Variants in PLCE1 observed in about 807,000 individuals in gnomAD.
PLCE1 encodes phospholipase C epsilon 1, also known as 1-phosphatidylinositol 4,5-bisphosphate phosphodiesterase epsilon-1.
A neutral mutation model predicts 242.8 loss-of-function variants in PLCE1; 119 were observed. The observed-to-expected ratio is 0.49, with a 90% CI of 0.42 to 0.57. The LOEUF (loss-of-function observed/expected upper bound fraction) is 0.57. Among genes scored for constraint, PLCE1 ranks in the 20% least tolerant of loss-of-function variants. The probability of loss-of-function intolerance (pLI) is 0.00; values close to 1 mark genes in which losing one functional copy is unlikely to be tolerated. For synonymous variants in PLCE1, 945 were observed against 1,017.4 expected (o/e 0.93, Z 1.35); for missense variants, 2,441 against 2,788.8 (o/e 0.88, Z 2.81).
chr10:94,212,578 A>G (rs965788549), intron 4 of PLCE1, among the ~76,000 whole-genome samples: 4 of 152,116 alleles, frequency 2.6e-5, no homozygotes, highest in Admixed American at 1.3e-4. Flanking sequence ...TTTAATAGAG[A>G]TGGGGTTTCA....
At chr10:94,078,077 G>A (rs940836134) in intron 2 of PLCE1, among the ~76,000 whole-genome samples, 2 of 152,158 alleles carry the variant, frequency 1.3e-5, no homozygotes, top group African/African-American at 4.8e-5. Context: ...GACATCTGTT[G>A]CAGAAATCTT....
intron 4 of PLCE1, among the ~76,000 whole-genome samples, chr10:94,201,963 T>G (rs998720790): frequency 6.6e-6 from 1 of 152,204 alleles, no homozygotes; most frequent in Non-Finnish European, 1.5e-5. Context: ...AATAAAAATC[T>G]AGCAGATAAT....
At chr10:94,274,519 T>A (rs139546658) in intron 19 of PLCE1, among the ~76,000 whole-genome samples, 4 of 152,064 alleles carry the variant, frequency 2.6e-5, no homozygotes, top group African/African-American at 9.6e-5. Flanking sequence ...AATTTGAAGA[T>A]CACCCATGAT....
chr10:94,243,528 A>G (rs180672847), intron 7 of PLCE1, among the ~76,000 whole-genome samples: 19 of 152,354 alleles, frequency 1.2e-4, no homozygotes, highest in Non-Finnish European at 2.2e-4. Flanking sequence ...CTAATGTAAG[A>G]TGTTAATAGG....
chr10:94,101,959 A>G (rs2045553986), intron 2 of PLCE1, among the ~76,000 whole-genome samples: 1 of 152,022 alleles, frequency 6.6e-6, no homozygotes, highest in South Asian at 2.1e-4. Flanking sequence ...GGTCAGAACC[A>G]CTCGGATGAG....
intron 2 of PLCE1, among the ~76,000 whole-genome samples, chr10:94,097,964 A>T (rs190764171): frequency 6.6e-6 from 1 of 152,324 alleles, no homozygotes; most frequent in East Asian, 1.9e-4. Flanking sequence ...GGCGACAGAG[A>T]TGAGATTATG....
At position 94,049,576 on chromosome 10, in the gene PLCE1, CCTGT is replaced by C. The variant is rs549659993; in HGVS notation, c.1206+17347_1206+17350del. On this transcript the variant is annotated intron_variant, in intron 2 of 32. Transcript: ENST00000371380. ...TTACTATTCCTGGCCCTTTAGTTAC[CCTGT>C]CTGTCTGTCTGTCTGTCTGTCTCTC... Among the ~76,000 whole-genome samples the C allele has an allele frequency of 1.4e-3, 211 of 152,016 alleles. 2 individuals carry two copies. Among genetic ancestry groups the C allele is most frequent in the Non-Finnish European group, 2.0e-3 (136 of 67,972 alleles).
intron 3 of PLCE1, among the ~76,000 whole-genome samples, chr10:94,143,993 C>T (rs2047044696): frequency 6.6e-6 from 1 of 152,180 alleles, no homozygotes; most frequent in African/African-American, 2.4e-5. Context: ...CTCAGAGACA[C>T]ATTTTGGCAT....
chr10:94,276,660 T>G (rs993881007), intron 19 of PLCE1, among the ~76,000 whole-genome samples: 1 of 152,140 alleles, frequency 6.6e-6, no homozygotes, highest in African/African-American at 2.4e-5. Flanking sequence ...GCTAAGGAGG[T>G]CACTGTGTGG....
chr10:94,258,693 C>A, intron 11 of PLCE1, 107 bp from the exon 12 acceptor site: 2 of 1,291,412 alleles, frequency 1.5e-6, no homozygotes, highest in Non-Finnish European at 2.2e-6. Flanking sequence ...TCTTAAATAA[C>A]TTGCACTCAT....
Position 94,031,013 on chromosome 10 carries a change from A to G in PLCE1, c.-34A>G. 3.7e-6 allele frequency: 6 copies of G among 1,611,182 alleles called. No individual in the cohort carries two copies. The South Asian group carries it at 4.4e-5, about 12-fold the overall frequency. On this transcript the variant is annotated 5_prime_UTR_variant, in exon 2 of 33. The change creates a new upstream start codon in the 5' untranslated region. Transcript: ENST00000371380. ...GACATGATCACCAGGGAGGAAAAAT[A>G]GAGCAATAGTCAAAACCTGTGTGTT... is the stretch of plus-strand genomic sequence containing the variant.
intron 1 of PLCE1, among the ~76,000 whole-genome samples, chr10:93,996,161 GC>G (rs1290067553): frequency 1.3e-5 from 2 of 152,168 alleles, no homozygotes; most frequent in Non-Finnish European, 2.9e-5. Flanking sequence ...CACACACCTG[GC>G]TGACAGGCGC....
At chr10:93,999,531 T>C (rs1432698056) in intron 1 of PLCE1, among the ~76,000 whole-genome samples, 2 of 152,222 alleles carry the variant, frequency 1.3e-5, no homozygotes, top group African/African-American at 4.8e-5. Flanking sequence ...ATGTTGGAAT[T>C]GGTGAGAAAG....
chr10:94,163,800 G>C (rs770766736), intron 3 of PLCE1, among the ~76,000 whole-genome samples: 1 of 152,186 alleles, frequency 6.6e-6, no homozygotes, highest in African/African-American at 2.4e-5. Context: ...GGTACCGGTT[G>C]TTCCTTTACA....
chr10:94,320,632 G>A (rs2053764943), intron 29 of PLCE1, among the ~76,000 whole-genome samples: 1 of 152,202 alleles, frequency 6.6e-6, no homozygotes, highest in Non-Finnish European at 1.5e-5. Context: ...GGATAAGGGA[G>A]TTTTCCTGCC....
chr10:94,310,747 C>A (rs141527505), intron 27 of PLCE1, among the ~76,000 whole-genome samples: 19 of 152,246 alleles, frequency 1.2e-4, no homozygotes, highest in African/African-American at 4.6e-4. Flanking sequence ...ACACTTCTGA[C>A]ACCAAAAACA....
intron 2 of PLCE1, among the ~76,000 whole-genome samples, chr10:94,083,755 G>A (rs2044721602): frequency 6.6e-6 from 1 of 152,212 alleles, no homozygotes; most frequent in Admixed American, 6.5e-5. Context: ...GAGTCCCTCA[G>A]AACTTCAGGA....
At chr10:94,083,652 G>C (rs1056119356) in intron 2 of PLCE1, among the ~76,000 whole-genome samples, 1 of 152,216 alleles carries the variant, frequency 6.6e-6, no homozygotes, top group African/African-American at 2.4e-5. Flanking sequence ...GTTAGGTATA[G>C]TGTGTGCTTG....
chr10:94,154,760 C>T (rs1300464347), intron 3 of PLCE1, among the ~76,000 whole-genome samples: 1 of 151,766 alleles, frequency 6.6e-6, no homozygotes, highest in Non-Finnish European at 1.5e-5. Flanking sequence ...AAGTACAGGA[C>T]GGGCATGGTG....
Sources: gnomAD v4.1 joint callset for allele counts (sites outside exome capture counted in the v4.1 genomes callset) on GRCh38, gnomAD v4.1.1 for gene constraint, MANE v1.5 for transcripts, NCBI Gene and HGNC (gene_info 2026-07-23, HGNC 2026-07-21) for gene names.